KANSL1: variants seen among roughly 807,000 people sequenced by gnomAD.
KANSL1 encodes the protein KAT8 regulatory NSL complex subunit 1.
KANSL1 carries 22 observed loss-of-function variants against 103.6 expected under a neutral mutation model. The observed-to-expected ratio is 0.21, with a 90% confidence interval of 0.15 to 0.30. The LOEUF is 0.30. Among genes scored for constraint, KANSL1 ranks in the 10% least tolerant of loss-of-function variants. The pLI is 1.00. For synonymous variants in KANSL1, 600 were observed against 527.6 expected, an observed-to-expected ratio of 1.14 and a Z score of -1.88; for missense variants, 1,337 against 1,399.8, an observed-to-expected ratio of 0.96 and a Z score of 0.72.
At chr17:46,220,755 CAGCTCACTGCA>C (rs1320672063) in intron 1 of KANSL1, among the ~76,000 whole-genome samples, 2 of 152,238 alleles carry the variant, frequency 1.3e-5, no homozygotes, top group African/African-American at 2.4e-5. Flanking sequence ...GGCGTGATCT[CAGCTCACTGCA>C]AGCTCCGTCT....
At chr17:46,139,707 A>G (rs1222552640) in intron 2 of KANSL1, among the ~76,000 whole-genome samples, 2 of 152,246 alleles carry the variant, frequency 1.3e-5, no homozygotes, top group Non-Finnish European at 2.9e-5. Context: ...ACATAAAAGC[A>G]TAATACCAAA....
At chr17:46,113,147 G>A (rs2042895867) in intron 2 of KANSL1, among the ~76,000 whole-genome samples, 1 of 152,208 alleles carries the variant, frequency 6.6e-6, no homozygotes, top group Non-Finnish European at 1.5e-5. Context: ...CTTGGTAGAG[G>A]CCAGAGATGC....
intron 1 of KANSL1, among the ~76,000 whole-genome samples, chr17:46,212,257 T>C (rs1263407040): frequency 6.6e-6 from 1 of 152,072 alleles, no homozygotes; most frequent in African/African-American, 2.4e-5. Context: ...AGACTTGCTC[T>C]GTCAACAGGC....
chr17:46,040,766 C>T (rs949760418), intron 7 of KANSL1: 1 of 152,236 alleles, frequency 6.6e-6, no homozygotes, highest in African/African-American at 2.4e-5. Context: ...ACCACCAATA[C>T]TGAATCTTTC....
intron 1 of KANSL1, among the ~76,000 whole-genome samples, chr17:46,191,106 A>C (rs1255169039): frequency 9.9e-5 from 15 of 152,244 alleles, no homozygotes; most frequent in Admixed American, 9.8e-4. Flanking sequence ...ATGTAGAAAA[A>C]ACCAGAAATG....
At chr17:46,101,946 G>C (rs1209142464) in intron 2 of KANSL1, among the ~76,000 whole-genome samples, 3 of 152,040 alleles carry the variant, frequency 2.0e-5, no homozygotes, top group Non-Finnish European at 2.9e-5. Context: ...CTTGAGCTTT[G>C]AACTTTAGAG....
At chr17:46,143,947 A>AAATCACATGTTTCCT (rs2044563722) in intron 2 of KANSL1, among the ~76,000 whole-genome samples, 2 of 152,246 alleles carry the variant, frequency 1.3e-5, no homozygotes, top group Non-Finnish European at 2.9e-5. Context: ...GTCTGATTCC[A>AAATCACATGTTTCCT]AATCACATGT....
Position 46,171,028 on chromosome 17 carries a change from T to C in KANSL1, c.1116A>G (p.Lys372=), listed in dbSNP as rs62639965. ...CCAATTCTTCTGAAATTGAATTGCT[T>C]TTCAGAAAGTTGCTAAGTCCCTCTG... is the stretch of plus-strand genomic sequence containing the variant. ...TTSEGLSNFL[K]SNSISEELER... is the part of the protein sequence containing the mutation. The change falls in exon 2 of 15, where the codon AAA becomes AAG. Residue 372 remains lysine, a synonymous_variant. Coordinates refer to ENST00000432791, the MANE Select transcript of KANSL1 (RefSeq NM_015443.4). 331 of 1,614,208 alleles carry C rather than the reference T, an allele frequency of 2.1e-4. 3 individuals carry two copies. In the African/African-American group the frequency reaches 4.0e-3, roughly 19 times the overall value.
chr17:46,167,022 A>G (rs1472620615), intron 2 of KANSL1, among the ~76,000 whole-genome samples: 1 of 152,030 alleles, frequency 6.6e-6, no homozygotes, highest in African/African-American at 2.4e-5. Context: ...AAAAGAAAAA[A>G]AAAATTTCGG....
intron 1 of KANSL1, among the ~76,000 whole-genome samples, chr17:46,205,798 C>T (rs1193392600): frequency 1.3e-5 from 2 of 151,826 alleles, no homozygotes; most frequent in Non-Finnish European, 2.9e-5. Context: ...AATGGAAAGG[C>T]CAGGTGTGAT....
At chr17:46,156,954 G>C (rs577868820) in intron 2 of KANSL1, 17 of 151,686 alleles carry the variant, frequency 1.1e-4, no homozygotes, top group African/African-American at 3.9e-4. Context: ...CAGGAACCAA[G>C]TTTTCAATTC....
At chr17:46,221,408 T>C (rs2048529941) in intron 1 of KANSL1, 1 of 151,414 alleles carries the variant, frequency 6.6e-6, no homozygotes, top group African/African-American at 2.4e-5. Flanking sequence ...TCCTTAGCCC[T>C]AACCCTGACA....
At chr17:46,151,579 T>C (rs902655843) in intron 2 of KANSL1, among the ~76,000 whole-genome samples, 9 of 152,240 alleles carry the variant, frequency 5.9e-5, no homozygotes, top group East Asian at 1.9e-4. Flanking sequence ...CCTAGTAGGA[T>C]AAAACTCCCT....
chr17:46,172,554 AT>A (rs1446081292), intron 1 of KANSL1, among the ~76,000 whole-genome samples: 1 of 152,236 alleles, frequency 6.6e-6, no homozygotes, highest in Non-Finnish European at 1.5e-5. Flanking sequence ...TTAAAAAAAA[AT>A]CTCTTTAAGC....
intron 1 of KANSL1, among the ~76,000 whole-genome samples, chr17:46,204,015 A>G (rs2696450): frequency 0.14 from 21,934 of 151,906 alleles, 2,134 homozygotes; most frequent in Middle Eastern, 0.22. Flanking sequence ...TCTCACGGGT[A>G]GGGGAGCAGG....
chr17:46,168,498 C>T (rs1395818987), intron 2 of KANSL1, among the ~76,000 whole-genome samples: 3 of 152,160 alleles, frequency 2.0e-5, no homozygotes, highest in Non-Finnish European at 4.4e-5. Flanking sequence ...GAGGCGTGTG[C>T]CACCACGCCC....
In KANSL1 at chr17:46,164,713, A is replaced by G. The variant is rs929525378; in HGVS notation, c.1289+6142T>C. Among the ~76,000 whole-genome samples, 7 of 152,222 alleles carry G rather than the reference A, an allele frequency of 4.6e-5. No homozygotes were observed. In the East Asian group the frequency reaches 5.8e-4, roughly 13 times the overall value. On this transcript the variant is annotated intron_variant, in intron 2 of 14. Transcript: ENST00000432791. ...GGGTTCTTTGCCTCAGCTTCCCCCAATGCAAAAAAATGGTGATGAGAATAG... is the reference window on the plus strand; with the variant it reads ...GGGTTCTTTGCCTCAGCTTCCCCCAGTGCAAAAAAATGGTGATGAGAATAG...
intron 2 of KANSL1, among the ~76,000 whole-genome samples, chr17:46,138,569 A>G (rs1366824559): frequency 2.0e-5 from 3 of 152,246 alleles, no homozygotes; most frequent in Non-Finnish European, 2.9e-5. Flanking sequence ...ATACTGAAGG[A>G]TAACTGTATA....
chr17:46,032,152 C>T lies in KANSL1; in HGVS notation c.2985G>A (p.Pro995=), dbSNP rs371484505. Residue 995 remains proline, a synonymous_variant, in exon 14 of 15, where the codon CCG becomes CCA. Coordinates refer to ENST00000432791, the MANE Select transcript of KANSL1 (RefSeq NM_015443.4). ...HGQSPRSPIS[P]ELHSAPLTPV... ...GGGTGAGGGGTGCTGAGTGCAGTTC[C>T]GGGCTAATGGGGCTCCTAGGGGACT... The T allele has an allele frequency of 1.7e-5, 27 of 1,613,854 alleles. No homozygotes were observed. The highest frequency in any genetic ancestry group is 1.6e-4 in the Middle Eastern group (1 of 6,080).
Sources: allele counts gnomAD v4.1 joint callset (sites outside exome capture counted in the v4.1 genomes callset), GRCh38; gene constraint gnomAD v4.1.1; transcripts MANE v1.5; gene names NCBI Gene and HGNC (gene_info 2026-07-23, HGNC 2026-07-21).